Variants in ADAM22 observed in about 807,000 individuals in gnomAD.
ADAM22 encodes ADAM metallopeptidase domain 22.
ADAM22 carries 65 observed loss-of-function variants against 144.6 expected under a neutral mutation model. That is an observed-to-expected ratio of 0.45 (90% CI 0.37 to 0.55). ADAM22 has a LOEUF of 0.55. ADAM22 is among the 20% of genes least tolerant of loss of function. The pLI is 0.00. For missense variants in ADAM22, 974 were observed against 1,184.9 expected (o/e 0.82, Z 2.61); for synonymous variants, 391 against 412.6 (o/e 0.95, Z 0.63).
intron 3 of ADAM22, among the ~76,000 whole-genome samples, chr7:88,059,676 A>G (rs1206584804): frequency 6.6e-6 from 1 of 152,214 alleles, no homozygotes; most frequent in South Asian, 2.1e-4. Flanking sequence ...ATGGAATACT[A>G]TGCAGTCATA....
At chr7:88,061,839 CTTT>C (rs60313970) in intron 3 of ADAM22, among the ~76,000 whole-genome samples, 17 of 111,994 alleles carry the variant, frequency 1.5e-4, no homozygotes, top group East Asian at 5.8e-4. Flanking sequence ...CTCTCTCTCT[CTTT>C]TTTTTTTTTT....
chr7:88,096,500 A>C (rs1470172099), intron 4 of ADAM22, among the ~76,000 whole-genome samples: 1 of 151,466 alleles, frequency 6.6e-6, no homozygotes, highest in Non-Finnish European at 1.5e-5. Flanking sequence ...GTCCACACAC[A>C]CATATATATA....
rs560223040 is a variant in ADAM22, at chr7:88,024,779, C to T, written c.323+46367C>T. 1.4e-4 allele frequency among the ~76,000 whole-genome samples: 20 copies of T among 148,106 alleles called. No individual in the cohort carries two copies. The East Asian group carries it at 2.3e-3, about 17-fold the overall frequency. On this transcript the variant is annotated intron_variant, in intron 3 of 31. Coordinates refer to ENST00000413139, the MANE Select transcript of ADAM22 (RefSeq NM_001324418.2). ...ATGTGTTCTCATTGTTCAATTCCCA[C>T]CTATGAGCGAGAACATGCAGTGTTT...
intron 3 of ADAM22, among the ~76,000 whole-genome samples, chr7:88,062,229 G>T (rs1267553378): frequency 6.6e-6 from 1 of 152,154 alleles, no homozygotes; most frequent in Non-Finnish European, 1.5e-5. Flanking sequence ...ATAAAAGGCT[G>T]TTTTGTCTAT....
At chr7:87,980,616 T>G (rs757206807) in intron 3 of ADAM22, among the ~76,000 whole-genome samples, 3 of 152,108 alleles carry the variant, frequency 2.0e-5, no homozygotes, top group Non-Finnish European at 2.9e-5. Flanking sequence ...TATTTTTTGA[T>G]TGGAATGGAT....
chr7:87,940,359 A>G (rs1295634748), intron 2 of ADAM22, among the ~76,000 whole-genome samples: 1 of 152,174 alleles, frequency 6.6e-6, no homozygotes, highest in Non-Finnish European at 1.5e-5. Context: ...TCAGCAATGT[A>G]TTACTTAATG....
chr7:87,957,147 A>G (rs1265166429), intron 2 of ADAM22, among the ~76,000 whole-genome samples: 1 of 152,182 alleles, frequency 6.6e-6, no homozygotes, highest in East Asian at 1.9e-4. Flanking sequence ...TCTGGCTAAA[A>G]AGATTTTAGA....
At chr7:88,101,443 AC>A (rs1284045477) in intron 4 of ADAM22, among the ~76,000 whole-genome samples, 16 of 152,252 alleles carry the variant, frequency 1.1e-4, no homozygotes, top group African/African-American at 3.9e-4. Flanking sequence ...TTTTAGCATG[AC>A]CAAACCATTC....
rs1045120034 is a variant in ADAM22, at chr7:88,196,760, C to T, written c.*269C>T. 8 of 472,222 alleles carry T rather than the reference C, an allele frequency of 1.7e-5. No homozygotes were observed. The highest frequency in any genetic ancestry group is 5.7e-5 in the South Asian group (2 of 35,028). The allele number at this position is 472,222 out of a possible 1,614,324, so 29.3% of individuals were successfully genotyped here. On this transcript the variant is annotated 3_prime_UTR_variant, in exon 32 of 32. Transcript: ENST00000413139. ...GGTACTGGTATGTTAATGGATAATC[C>T]GCATGACAGATAATATGTAGAAATA...
chr7:88,188,340 C>A (rs149570004), intron 30 of ADAM22, among the ~76,000 whole-genome samples: 1 of 152,034 alleles, frequency 6.6e-6, no homozygotes, highest in Non-Finnish European at 1.5e-5. Flanking sequence ...AAAATCAGCA[C>A]CCAGGTCTGC....
At chr7:88,035,579 A>G (rs1028463770) in intron 3 of ADAM22, among the ~76,000 whole-genome samples, 2 of 152,212 alleles carry the variant, frequency 1.3e-5, no homozygotes, top group Admixed American at 1.3e-4. Context: ...TAAAAATTGG[A>G]TGGTTGCATC....
At chr7:88,159,467 A>G (rs933058816) in intron 22 of ADAM22, among the ~76,000 whole-genome samples, 1 of 152,162 alleles carries the variant, frequency 6.6e-6, no homozygotes, top group Non-Finnish European at 1.5e-5. Flanking sequence ...AGAAAATTTC[A>G]GCCCATTATC....
intron 2 of ADAM22, among the ~76,000 whole-genome samples, chr7:87,952,561 T>C (rs1845521913): frequency 1.3e-5 from 2 of 152,142 alleles, no homozygotes; most frequent in South Asian, 2.1e-4. Flanking sequence ...TTACTGAGGA[T>C]TTTTGCATCA....
At chr7:87,994,609 CT>C (rs904533761) in intron 3 of ADAM22, among the ~76,000 whole-genome samples, 35 of 149,336 alleles carry the variant, frequency 2.3e-4, no homozygotes, top group African/African-American at 7.8e-4. Context: ...TTAAAGTGTT[CT>C]TTTTTTTTTC....
intron 31 of ADAM22, among the ~76,000 whole-genome samples, chr7:88,193,806 G>T (rs1368862988): frequency 6.6e-6 from 1 of 152,190 alleles, no homozygotes; most frequent in Non-Finnish European, 1.5e-5. Context: ...TAGACTCTTT[G>T]GTCTTCAGAG....
At chr7:87,971,248 T>C (rs548099395) in intron 2 of ADAM22, among the ~76,000 whole-genome samples, 4 of 152,298 alleles carry the variant, frequency 2.6e-5, no homozygotes, top group African/African-American at 9.6e-5. Flanking sequence ...CTTTAGAGTA[T>C]TTTCATGATA....
At position 88,145,779 on chromosome 7, in the gene ADAM22, C is replaced by T. The variant is rs1405552541; in HGVS notation, c.1485+272C>T. ...GTAAGTTGGGGAACTAGGGCCTGAACCCTGTTAATCTTCAGAGGCTGTCCT... is the reference window on the plus strand; with the variant it reads ...GTAAGTTGGGGAACTAGGGCCTGAATCCTGTTAATCTTCAGAGGCTGTCCT... On this transcript the variant is annotated intron_variant, in intron 17 of 31. Transcript: ENST00000413139. Among the ~76,000 whole-genome samples the T allele has an allele frequency of 2.6e-5, 4 of 152,110 alleles. No individual in the cohort carries two copies. In the South Asian group the frequency reaches 8.3e-4, roughly 32 times the overall value.
At chr7:88,039,464 A>AAAAAT in intron 3 of ADAM22, among the ~76,000 whole-genome samples, 3 of 76,404 alleles carry the variant, frequency 3.9e-5, no homozygotes, top group African/African-American at 1.4e-4. Flanking sequence ...AAAAAAAAAA[A>AAAAAT]ATATATATAT....
chr7:88,109,730 AG>A (rs1392096248), intron 5 of ADAM22, among the ~76,000 whole-genome samples: 3 of 148,446 alleles, frequency 2.0e-5, no homozygotes, highest in Non-Finnish European at 4.5e-5. Context: ...AGAGAGAGAG[AG>A]GAAAAAAAAA....
Sources: allele counts gnomAD v4.1 joint callset (sites outside exome capture counted in the v4.1 genomes callset), GRCh38; gene constraint gnomAD v4.1.1; transcripts MANE v1.5; gene names NCBI Gene and HGNC (gene_info 2026-07-23, HGNC 2026-07-21).